ITPR2: variants seen among roughly 807,000 people sequenced by gnomAD.
ITPR2 encodes inositol 1,4,5-trisphosphate-gated calcium channel ITPR2.
A neutral mutation model predicts 317.1 loss-of-function variants in ITPR2; 207 were observed. The ratio of observed to expected loss-of-function variants is 0.65; its 90% CI spans 0.58 to 0.73. The LOEUF is 0.73. Among genes scored for constraint, ITPR2 ranks in the 30% least tolerant of loss-of-function variants. The pLI, the probability that ITPR2 is intolerant of heterozygous loss-of-function variation, is 0.00. For missense variants in ITPR2, 2,613 were observed against 3,284.0 expected, an observed-to-expected ratio of 0.80 and a Z score of 4.99; for synonymous variants, 1,156 against 1,149.1, an observed-to-expected ratio of 1.01 and a Z score of -0.12.
chr12:26,429,096 C>G (rs1463413302), intron 48 of ITPR2, among the ~76,000 whole-genome samples: 1 of 152,180 alleles, frequency 6.6e-6, no homozygotes, highest in Non-Finnish European at 1.5e-5. Flanking sequence ...GTACTGTCAT[C>G]AAAACCCTGG....
At chr12:26,656,737 T>C (rs1195251975) in intron 18 of ITPR2, among the ~76,000 whole-genome samples, 189 bp from the exon 19 acceptor site, 1 of 152,228 alleles carries the variant, frequency 6.6e-6, no homozygotes, top group Non-Finnish European at 1.5e-5. Flanking sequence ...ACTGTCTCTA[T>C]GTCCCTTCAG....
chr12:26,811,488 G>A (rs1950745712), intron 1 of ITPR2, among the ~76,000 whole-genome samples: 1 of 151,810 alleles, frequency 6.6e-6, no homozygotes, highest in African/African-American at 2.4e-5. Context: ...GCTCACGCCT[G>A]TAATCCCAGC....
chr12:26,612,032 G>C (rs919297251), intron 26 of ITPR2, among the ~76,000 whole-genome samples: 1 of 152,118 alleles, frequency 6.6e-6, no homozygotes, highest in African/African-American at 2.4e-5. Flanking sequence ...CTCGAGGGAC[G>C]CAATGGGCTT....
rs940926324 is a variant in ITPR2 at position 26,597,435 on chromosome 12, A to G, written c.4003-301T>C. ...CTGAAATTAAACCTGTAAAAAAATA[A>G]AGTTATTTTCCTCTACTTTTTTTTG... On this transcript the variant is annotated intron_variant, in intron 30 of 56. Transcript: ENST00000381340. Among the ~76,000 whole-genome samples the G allele has an allele frequency of 3.3e-5, 5 of 152,354 alleles. No individual in the cohort carries two copies. The South Asian group carries it at 1.0e-3, about 32-fold the overall frequency.
chr12:26,366,154 C>T (rs976197304), intron 55 of ITPR2, among the ~76,000 whole-genome samples: 11 of 152,136 alleles, frequency 7.2e-5, no homozygotes, highest in African/African-American at 2.7e-4. Context: ...ACTCTAAAGA[C>T]ATTGCCCATG....
intron 1 of ITPR2, among the ~76,000 whole-genome samples, chr12:26,815,009 C>G (rs1444396157): frequency 6.6e-6 from 1 of 152,202 alleles, no homozygotes; most frequent in Non-Finnish European, 1.5e-5. Flanking sequence ...GCCAATTCCT[C>G]TAACAGTCAC....
In ITPR2 at chr12:26,337,959, C is replaced by T. The variant is rs941266540; in HGVS notation, c.*1438G>A. 6.6e-6 allele frequency: 1 copy of T among 152,164 alleles called. No individual in the cohort carries two copies. The highest frequency in any genetic ancestry group is 1.5e-5 in the Non-Finnish European group (1 of 68,024). The allele number at this position is 152,164 out of a possible 1,614,324, so 9.4% of individuals were successfully genotyped here. A position where few individuals can be genotyped will look rare whatever the true frequency, so the allele number is the denominator to read the frequency against. ...AAGCTATGTTAGAACAATCCAAAAG[C>T]TTTAAAAATTGTCAGAGCAAACCCT... On this transcript the variant is annotated 3_prime_UTR_variant, in exon 57 of 57. Transcript: ENST00000381340.
At chr12:26,561,691 AT>A in intron 35 of ITPR2, 70 bp downstream of exon 35, 1 of 1,232,820 alleles carries the variant, frequency 8.1e-7, no homozygotes, top group Non-Finnish European at 1.1e-6. Flanking sequence ...ACCATATTTT[AT>A]TTATGTGACT....
intron 26 of ITPR2, among the ~76,000 whole-genome samples, chr12:26,605,507 A>G (rs183892832): frequency 5.9e-5 from 9 of 152,342 alleles, no homozygotes; most frequent in Admixed American, 5.2e-4. Flanking sequence ...CTTAGTTAGA[A>G]AAGAGATATT....
At chr12:26,696,468 T>C (rs1288513309) in intron 9 of ITPR2, among the ~76,000 whole-genome samples, 2 of 152,204 alleles carry the variant, frequency 1.3e-5, no homozygotes, top group East Asian at 3.8e-4. Context: ...GTTAGGAGTC[T>C]TTCTCATAAT....
intron 37 of ITPR2, among the ~76,000 whole-genome samples, chr12:26,522,973 C>G (rs1050500355): frequency 6.6e-6 from 1 of 152,200 alleles, no homozygotes; most frequent in African/African-American, 2.4e-5. Context: ...CATTTCGATG[C>G]CTTGGGTTTC....
At chr12:26,436,397 T>TGTTG in intron 47 of ITPR2, 51 bp from the exon 48 acceptor site, 1 of 1,540,738 alleles carries the variant, frequency 6.5e-7, no homozygotes, top group South Asian at 1.3e-5. Flanking sequence ...CATTTTGGTT[T>TGTTG]CAACACATGA....
At chr12:26,566,995 G>A (rs1225034954) in intron 34 of ITPR2, among the ~76,000 whole-genome samples, 4 of 152,032 alleles carry the variant, frequency 2.6e-5, no homozygotes, top group Non-Finnish European at 5.9e-5. Context: ...TCAAACAGAA[G>A]ACAATACTGC....
intron 45 of ITPR2, among the ~76,000 whole-genome samples, chr12:26,452,336 A>G (rs1941762125): frequency 6.6e-6 from 1 of 152,018 alleles, no homozygotes; most frequent in Admixed American, 6.6e-5. Context: ...AGAAATGTTA[A>G]CATGTAGATA....
intron 2 of ITPR2, among the ~76,000 whole-genome samples, chr12:26,747,383 T>A (rs1318305768): frequency 6.6e-6 from 1 of 152,182 alleles, no homozygotes; most frequent in Non-Finnish European, 1.5e-5. Flanking sequence ...TGAAGAGTAG[T>A]CATCTCCAAC....
intron 1 of ITPR2, chr12:26,801,056 ACTGGGGTTGGTGAATCAT>A (rs1950547962): frequency 5.1e-6 from 1 of 195,150 alleles, no homozygotes; most frequent in African/African-American, 2.6e-5. Context: ...CTGAGTGGGC[ACTGGGGTTGGTGAATCAT>A]GCTGTGGCCT....
chr12:26,704,754 T>A (rs907555576), intron 9 of ITPR2, among the ~76,000 whole-genome samples: 1 of 152,158 alleles, frequency 6.6e-6, no homozygotes, highest in Non-Finnish European at 1.5e-5. Context: ...TAATATACAT[T>A]CTTAACTTTT....
intron 37 of ITPR2, among the ~76,000 whole-genome samples, chr12:26,533,780 A>T (rs1944009509): frequency 6.6e-6 from 1 of 152,132 alleles, no homozygotes; most frequent in South Asian, 2.1e-4. Context: ...TTGGAAGGAA[A>T]CCACCTGTTG....
intron 37 of ITPR2, among the ~76,000 whole-genome samples, chr12:26,540,018 G>C (rs1452045183): frequency 6.6e-6 from 1 of 152,194 alleles, no homozygotes; most frequent in African/African-American, 2.4e-5. Flanking sequence ...AAATACTTCA[G>C]TGAATAAGAT....
Sources: gnomAD v4.1 joint callset for allele counts (sites outside exome capture counted in the v4.1 genomes callset) on GRCh38, gnomAD v4.1.1 for gene constraint, MANE v1.5 for transcripts, NCBI Gene and HGNC (gene_info 2026-07-23, HGNC 2026-07-21) for gene names.